The following PLAT variants were observed in gnomAD, a reference collection of about 807,000 sequenced individuals.
PLAT encodes tissue-type plasminogen activator.
Under a neutral mutation model 74.9 loss-of-function variants are expected in PLAT, and 48 were observed. That is an observed-to-expected ratio of 0.64 (90% CI 0.51 to 0.82). PLAT has a LOEUF of 0.82. Ranked by LOEUF, PLAT falls within the 40% of genes least tolerant of loss-of-function variation. The probability of loss-of-function intolerance (pLI) is 0.00; values close to 1 mark genes in which losing one functional copy is unlikely to be tolerated. For missense variants in PLAT, 673 were observed against 736.2 expected, an observed-to-expected ratio of 0.91 and a Z score of 0.99; for synonymous variants, 307 against 294.4, an observed-to-expected ratio of 1.04 and a Z score of -0.44.
intron 13 of PLAT, among the ~76,000 whole-genome samples, chr8:42,177,844 T>C (rs1024242129): frequency 6.6e-6 from 1 of 152,208 alleles, no homozygotes; most frequent in Admixed American, 6.5e-5. Flanking sequence ...ACCGCCGATA[T>C]GACTGCCTTG....
rs13306821 is a variant in PLAT, at chr8:42,179,983, G to C, written c.1306C>G (p.Leu436Val). 6.2e-7 allele frequency: 1 copy of C among 1,608,558 alleles called. No homozygotes were observed. The highest frequency in any genetic ancestry group is 1.7e-5 in the Admixed American group (1 of 59,238). ...VRTVCLPPAD[L>V]QLPDWTECEL... ...CACTCCGTCCAGTCCGGCAGCTGCA[G>C]GTCCGCCGGGGGAAGGCACACAGTG... The change falls in exon 12 of 14, where the codon CTG becomes GTG. Residue 436 changes from leucine (L) to valine (V), a missense_variant. Physicochemically the swap from Leu to Val is conservative, Grantham distance 32 (BLOSUM62 1). Coordinates refer to ENST00000220809, the MANE Select transcript of PLAT (RefSeq NM_000930.5).
rs200225846 is a variant in PLAT, at chr8:42,191,432, G to A, written c.73-18C>T. 8.7e-6 allele frequency: 14 copies of A among 1,613,296 alleles called. No individual in the cohort carries two copies. Among genetic ancestry groups the A allele is most frequent in the Non-Finnish European group, 1.2e-5 (14 of 1,179,372 alleles). On this transcript the variant is annotated intron_variant, in intron 2 of 13. Coordinates refer to ENST00000220809, the MANE Select transcript of PLAT (RefSeq NM_000930.5). ...TGGATTTCCTGCGAAGAAACCAGAG[G>A]TGGAGGAAGGATCAGCACATGCCAG...
intron 7 of PLAT, 34 bp downstream of exon 7, chr8:42,185,047 A>C: frequency 7.0e-7 from 1 of 1,425,896 alleles, no homozygotes; most frequent in South Asian, 1.3e-5. Flanking sequence ...TCCCCCAGGG[A>C]CATTCAGGGA....
chr8:42,187,682 CG>C, intron 5 of PLAT, 110 bp from the exon 6 acceptor site: 1 of 1,108,960 alleles, frequency 9.0e-7, no homozygotes. Context: ...CAGGCTGGCT[CG>C]GAAGCCACAG....
chr8:42,206,896 T>A (rs1202808137), intron 1 of PLAT, among the ~76,000 whole-genome samples: 1 of 152,154 alleles, frequency 6.6e-6, no homozygotes, highest in Non-Finnish European at 1.5e-5. Context: ...CTGTGGAGAC[T>A]TGTAGGGGTG....
At chr8:42,187,868 G>A (rs989254606) in intron 5 of PLAT, 38 bp downstream of exon 5, 3 of 1,320,970 alleles carry the variant, frequency 2.3e-6, no homozygotes, top group Non-Finnish European at 3.3e-6. Context: ...CTGGAGAGGT[G>A]GGATTTCAGC....
At chr8:42,205,527 A>C (rs1478721387) in intron 1 of PLAT, among the ~76,000 whole-genome samples, 1 of 149,586 alleles carries the variant, frequency 6.7e-6, no homozygotes, top group Non-Finnish European at 1.5e-5. Context: ...ACTCCGTCTC[A>C]AAAAAAAAAG....
At chr8:42,180,737 G>T (rs539073855) in intron 9 of PLAT, 52 bp from the exon 10 acceptor site, 449 of 1,385,020 alleles carry the variant, frequency 3.2e-4, no homozygotes, top group Non-Finnish European at 4.2e-4. Context: ...TCCTGCACGT[G>T]TGTAGGTAGA....
chr8:42,193,772 G>A, intron 1 of PLAT: 1 of 152,966 alleles, frequency 6.5e-6, no homozygotes, highest in South Asian at 2.1e-4. Context: ...CTGGAGTGCA[G>A]TGGTGTGATC....
Position 42,180,586 on chromosome 8 carries a change from G to A in PLAT, c.989C>T (p.Ala330Val), listed in dbSNP as rs1478436380. The change falls in exon 10 of 14, where the codon GCC (alanine) becomes GTC (valine). Residue 330 changes from alanine to valine, a missense_variant. Coordinates refer to ENST00000220809, the MANE Select transcript of PLAT (RefSeq NM_000930.5). Reference protein sequence around the residue: ...ASHPWQAAIFAKHRRSPGERF... With the variant: ...ASHPWQAAIFVKHRRSPGERF... ...CTCTCCGGGCGACCTCCTGTGCTTGGCAAAGATGGCAGCCTGCCAGGGGTG... is the reference window on the plus strand; with the variant it reads ...CTCTCCGGGCGACCTCCTGTGCTTGACAAAGATGGCAGCCTGCCAGGGGTG... 6.2e-7 allele frequency: 1 copy of A among 1,613,580 alleles called. No homozygotes were observed. Among genetic ancestry groups the A allele is most frequent in the African/African-American group, 1.3e-5 (1 of 75,050 alleles).
intron 1 of PLAT, among the ~76,000 whole-genome samples, chr8:42,207,262 G>T (rs1382915536): frequency 6.6e-6 from 1 of 152,066 alleles, no homozygotes. Context: ...AACCTCCCTA[G>T]TCTCCCTTTC....
intron 1 of PLAT, among the ~76,000 whole-genome samples, chr8:42,207,086 C>T (rs1806369727): frequency 6.6e-6 from 1 of 152,194 alleles, no homozygotes; most frequent in South Asian, 2.1e-4. Flanking sequence ...AACTAGGGGA[C>T]CCAGCGGGCC....
chr8:42,184,520 C>T (rs1168047316), intron 7 of PLAT, among the ~76,000 whole-genome samples: 4 of 151,274 alleles, frequency 2.6e-5, no homozygotes, highest in East Asian at 2.0e-4. Flanking sequence ...CCACCGTATC[C>T]GGCTAATTTT....
chr8:42,193,393 A>G (rs1805761220), intron 1 of PLAT, among the ~76,000 whole-genome samples, 182 bp from the exon 2 acceptor site: 1 of 152,202 alleles, frequency 6.6e-6, no homozygotes, highest in African/African-American at 2.4e-5. Context: ...GTTGCAAAAT[A>G]TATATAACAC....
intron 5 of PLAT, 41 bp from the exon 6 acceptor site, chr8:42,187,613 C>G: frequency 6.5e-7 from 1 of 1,533,198 alleles, no homozygotes; most frequent in Non-Finnish European, 8.8e-7. Flanking sequence ...ATGGGAGTCC[C>G]CTTTCATTCA....
intron 1 of PLAT, among the ~76,000 whole-genome samples, chr8:42,202,979 C>T (rs1304628285): frequency 2.0e-5 from 3 of 152,210 alleles, no homozygotes; most frequent in African/African-American, 4.8e-5. Flanking sequence ...GCACAGCTCC[C>T]GACAGCAGGC....
chr8:42,180,389 A>G lies in PLAT; in HGVS notation c.1086-11T>C. On this transcript the variant is annotated splice_polypyrimidine_tract_variant and intron_variant, in intron 10 of 13. Transcript: ENST00000220809. ...TGGTGGGGCGGAAACCTGGTGGAGAAACAGCCTTAGAATGCTTTTTTTGCT... is the reference window on the plus strand; with the variant it reads ...TGGTGGGGCGGAAACCTGGTGGAGAGACAGCCTTAGAATGCTTTTTTTGCT... The G allele has an allele frequency of 6.2e-7, 1 of 1,614,110 alleles. No homozygotes were observed. The highest frequency in any genetic ancestry group is 1.3e-5 in the African/African-American group (1 of 75,070).
Position 42,179,078 on chromosome 8 carries a change from C to G in PLAT, c.1364-15G>C. 6.3e-7 allele frequency: 1 copy of G among 1,595,976 alleles called. No homozygotes were observed. Among genetic ancestry groups the G allele is most frequent in the Middle Eastern group, 1.7e-4 (1 of 6,000 alleles). ...GAAAGGAGACACTGAAAGGGGAGAA[C>G]CATCATATGGTTTTAGGGAAAGTTA... On this transcript the variant is annotated splice_polypyrimidine_tract_variant and intron_variant, in intron 12 of 13. Transcript: ENST00000220809.
intron 1 of PLAT, among the ~76,000 whole-genome samples, chr8:42,206,333 GCTGGAGTCCGACT>G (rs1438721059): frequency 6.6e-6 from 1 of 152,156 alleles, no homozygotes; most frequent in East Asian, 1.9e-4. Context: ...CCCTGCCAGT[GCTGGAGTCCGACT>G]CTGCCTGCAC....
Sources: allele counts gnomAD v4.1 joint callset (sites outside exome capture counted in the v4.1 genomes callset), GRCh38; gene constraint gnomAD v4.1.1; transcripts MANE v1.5; gene names NCBI Gene and HGNC (gene_info 2026-07-23, HGNC 2026-07-21).